Variants in KATNIP observed in about 807,000 individuals in gnomAD.
The protein encoded by KATNIP is katanin-interacting protein.
A neutral mutation model predicts 174.0 loss-of-function variants in KATNIP; 126 were observed. The observed-to-expected ratio is 0.72, with a 90% CI of 0.63 to 0.84. The LOEUF (loss-of-function observed/expected upper bound fraction) is 0.84. Ranked by LOEUF, KATNIP falls within the 40% of genes least tolerant of loss-of-function variation. The pLI is 0.00. For missense variants in KATNIP, 1,958 were observed against 2,109.7 expected, an observed-to-expected ratio of 0.93 and a Z score of 1.41; for synonymous variants, 810 against 835.7, an observed-to-expected ratio of 0.97 and a Z score of 0.53.
At chr16:27,748,269 G>A (rs1310851858) in intron 15 of KATNIP, among the ~76,000 whole-genome samples, 2 of 152,146 alleles carry the variant, frequency 1.3e-5, no homozygotes, top group Non-Finnish European at 2.9e-5. Context: ...TAATATACCT[G>A]GCTTAATGGC....
intron 13 of KATNIP, among the ~76,000 whole-genome samples, chr16:27,721,297 G>A (rs377041179): frequency 3.9e-5 from 6 of 152,050 alleles, no homozygotes; most frequent in Non-Finnish European, 2.9e-5. Context: ...TTTAAATTCC[G>A]TCTGGTTGGC....
intron 1 of KATNIP, among the ~76,000 whole-genome samples, chr16:27,556,402 A>C (rs1468980578): frequency 2.6e-5 from 4 of 152,220 alleles, no homozygotes. Flanking sequence ...TAAAAATATG[A>C]AATGGTTTAG....
chr16:27,639,684 GA>G (rs1305848000), intron 5 of KATNIP, among the ~76,000 whole-genome samples: 1 of 152,170 alleles, frequency 6.6e-6, no homozygotes, highest in Non-Finnish European at 1.5e-5. Flanking sequence ...AGCACCTTCA[GA>G]AAATCTCACA....
chr16:27,602,716 T>G (rs78410167), intron 2 of KATNIP, among the ~76,000 whole-genome samples: 1 of 152,152 alleles, frequency 6.6e-6, no homozygotes. Context: ...TCTTTTTTTT[T>G]GAAACAGATT....
At chr16:27,608,880 T>C (rs1747943663) in intron 2 of KATNIP, among the ~76,000 whole-genome samples, 1 of 152,124 alleles carries the variant, frequency 6.6e-6, no homozygotes, top group African/African-American at 2.4e-5. Flanking sequence ...CAATTCTTGA[T>C]TCCCCCTTAT....
At chr16:27,725,646 G>T (rs141731877) in intron 14 of KATNIP, among the ~76,000 whole-genome samples, 1 of 152,176 alleles carries the variant, frequency 6.6e-6, no homozygotes, top group African/African-American at 2.4e-5. Context: ...GGAAGAAACC[G>T]ATAGTCTCCC....
intron 4 of KATNIP, 42 bp from the exon 5 acceptor site, chr16:27,631,023 A>G (rs755436092): frequency 2.0e-5 from 29 of 1,477,850 alleles, no homozygotes; most frequent in Non-Finnish European, 2.5e-5. Context: ...TGAGCTTGTC[A>G]TCAGTGCCTC....
intron 6 of KATNIP, among the ~76,000 whole-genome samples, chr16:27,661,751 TTTG>T (rs1248766106): frequency 2.7e-5 from 4 of 147,376 alleles, no homozygotes; most frequent in Non-Finnish European, 6.0e-5. Flanking sequence ...TAATTTATAG[TTTG>T]TTTGTTTTTC....
chr16:27,677,645 C>T, intron 6 of KATNIP, 84 bp from the exon 7 acceptor site: 1 of 1,333,730 alleles, frequency 7.5e-7, no homozygotes, highest in Non-Finnish European at 1.0e-6. Context: ...GAGAATAATT[C>T]TTTGGTTCAA....
intron 8 of KATNIP, among the ~76,000 whole-genome samples, chr16:27,688,849 A>AGTTCTTTT (rs1429459156): frequency 6.6e-6 from 1 of 152,168 alleles, no homozygotes; most frequent in Non-Finnish European, 1.5e-5. Flanking sequence ...TGAGAGAGAC[A>AGTTCTTTT]GTTCTTTTCT....
At chr16:27,616,049 A>T (rs1358272106) in intron 2 of KATNIP, among the ~76,000 whole-genome samples, 2 of 152,140 alleles carry the variant, frequency 1.3e-5, no homozygotes, top group Non-Finnish European at 2.9e-5. Flanking sequence ...TTGTATCGTT[A>T]ATCCTCCCCT....
At chr16:27,601,648 A>T (rs1157407000) in intron 2 of KATNIP, among the ~76,000 whole-genome samples, 1 of 152,190 alleles carries the variant, frequency 6.6e-6, no homozygotes, top group Non-Finnish European at 1.5e-5. Flanking sequence ...CAGAAGGACC[A>T]TGTGGCTATT....
Position 27,778,992 on chromosome 16 carries a change from C to T in KATNIP, c.*363C>T. ...GGTGGGGAGGCATCCCATCCAGCCT[C>T]AGAGGGCCCAGAGAATGGCTGAGCA... is the stretch of plus-strand genomic sequence containing the variant. On this transcript the variant is annotated 3_prime_UTR_variant, in exon 28 of 28. Coordinates refer to ENST00000261588, the MANE Select transcript of KATNIP (RefSeq NM_015202.5). 9.3e-6 allele frequency: 2 copies of T among 214,328 alleles called. No individual in the cohort carries two copies. Among genetic ancestry groups the T allele is most frequent in the East Asian group, 1.0e-4 (1 of 9,940 alleles). The allele number at this position is 214,328 out of a possible 1,614,324, so 13.3% of individuals were successfully genotyped here. A position where few individuals can be genotyped will look rare whatever the true frequency, so the allele number is the denominator to read the frequency against.
At chr16:27,679,662 G>A (rs1387498730) in intron 7 of KATNIP, among the ~76,000 whole-genome samples, 1 of 151,564 alleles carries the variant, frequency 6.6e-6, no homozygotes, top group African/African-American at 2.4e-5. Context: ...TGAGGCAGGA[G>A]GATCACTTAA....
intron 6 of KATNIP, among the ~76,000 whole-genome samples, chr16:27,650,557 G>A (rs564737851): frequency 2.0e-5 from 3 of 152,290 alleles, no homozygotes; most frequent in East Asian, 3.9e-4. Context: ...ATTCAGTGAC[G>A]TCACCGCAAA....
rs1410309798 is a variant in KATNIP at position 27,776,791 on chromosome 16, G to A, written c.4450-137G>A. On this transcript the variant is annotated intron_variant, in intron 24 of 27. Coordinates refer to ENST00000261588, the MANE Select transcript of KATNIP (RefSeq NM_015202.5). The surrounding 1 kb of genome is among the most constrained non-coding windows in gnomAD (Gnocchi z 4.7). ...GGCTTCGAGGAGATGAAAGGGGGCGGAACTCCAGGCTGGCCCACGTGGCAG... is the reference window on the plus strand; with the variant it reads ...GGCTTCGAGGAGATGAAAGGGGGCGAAACTCCAGGCTGGCCCACGTGGCAG... 1 of 658,348 alleles carries A rather than the reference G, an allele frequency of 1.5e-6. No homozygotes were observed. The highest frequency in any genetic ancestry group is 2.4e-5 in the Admixed American group (1 of 41,620). 40.8% of individuals were successfully genotyped at this position (658,348 alleles called of 1,614,324 possible).
At chr16:27,734,393 T>A (rs1171592298) in intron 14 of KATNIP, among the ~76,000 whole-genome samples, 1 of 129,712 alleles carries the variant, frequency 7.7e-6, no homozygotes, top group African/African-American at 3.1e-5. Context: ...TAGGGACTTA[T>A]TTAAAAAAAA....
chr16:27,734,688 C>A (rs956098136), intron 14 of KATNIP, among the ~76,000 whole-genome samples: 1 of 152,044 alleles, frequency 6.6e-6, no homozygotes, highest in East Asian at 1.9e-4. Flanking sequence ...CAGAGAGAGA[C>A]GTCTCAAAAA....
intron 6 of KATNIP, among the ~76,000 whole-genome samples, chr16:27,665,686 C>T (rs1432059467): frequency 6.6e-6 from 1 of 151,812 alleles, no homozygotes; most frequent in African/African-American, 2.4e-5. Flanking sequence ...CTGCAACCTC[C>T]ACCTCCCAGG....
Sources: allele counts gnomAD v4.1 joint callset (sites outside exome capture counted in the v4.1 genomes callset), GRCh38; gene constraint gnomAD v4.1.1; non-coding constraint Gnocchi (gnomAD v3.1); transcripts MANE v1.5; gene names NCBI Gene and HGNC (gene_info 2026-07-23, HGNC 2026-07-21).